Variants in CAD observed in about 807,000 individuals in gnomAD.
The protein encoded by CAD is carbamoyl-phosphate synthetase 2, aspartate transcarbamylase, and dihydroorotase.
A neutral mutation model predicts 237.2 loss-of-function variants in CAD; 81 were observed. The ratio of observed to expected loss-of-function variants is 0.34; its 90% CI spans 0.29 to 0.41. The LOEUF (loss-of-function observed/expected upper bound fraction) is 0.41. Ranked by LOEUF, CAD falls within the 10% of genes least tolerant of loss-of-function variation. The probability of loss-of-function intolerance (pLI) is 1.00; values close to 1 mark genes in which losing one functional copy is unlikely to be tolerated. For missense variants in CAD, 2,181 were observed against 2,951.7 expected (o/e 0.74, Z 6.05); for synonymous variants, 1,196 against 1,162.8 (o/e 1.03, Z -0.58).
In CAD at chr2:27,235,239, C is replaced by T; in HGVS notation, c.3787-6C>T. 6.2e-7 allele frequency: 1 copy of T among 1,601,626 alleles called. No individual in the cohort carries two copies. Among genetic ancestry groups the T allele is most frequent in the Non-Finnish European group, 8.5e-7 (1 of 1,173,414 alleles). On this transcript the variant is annotated splice_region_variant and splice_polypyrimidine_tract_variant and intron_variant, in intron 23 of 43. Transcript: ENST00000264705. This position sits in a 1 kb window ranked among gnomAD's most constrained non-coding sequence, Gnocchi z 5.2. ...TGGCCCTCTCTCTTCCCTCCCGCCC[C>T]TTTAGGTGCCTCAGTTCTCCTTCTC...
chr2:27,234,745 C>A (rs41288819), intron 23 of CAD, 60 bp downstream of exon 23: 8 of 1,501,352 alleles, frequency 5.3e-6, no homozygotes, highest in Non-Finnish European at 7.3e-6. Flanking sequence ...GTTCACTCAC[C>A]ACACAGAGTT....
chr2:27,227,409 G>T (rs534524154), intron 15 of CAD: 1 of 162,748 alleles, frequency 6.1e-6, no homozygotes, highest in Non-Finnish European at 1.3e-5. Flanking sequence ...GCCGAAGACC[G>T]TCCTCTAACA....
In CAD at chr2:27,239,601, G is replaced by A; in HGVS notation, c.5395-96G>A. ...CCCTGGACCAGGGGTTGGGGGCACAGCTCCCCCAAGGTGCTTTTTGTCCTT... is the reference window on the plus strand; with the variant it reads ...CCCTGGACCAGGGGTTGGGGGCACAACTCCCCCAAGGTGCTTTTTGTCCTT... On this transcript the variant is annotated intron_variant, in intron 33 of 43. Transcript: ENST00000264705. The surrounding 1 kb of genome is among the most constrained non-coding windows in gnomAD (Gnocchi z 4.0). The A allele has an allele frequency of 6.7e-7, 1 of 1,489,110 alleles. No individual in the cohort carries two copies. The highest frequency in any genetic ancestry group is 1.2e-5 in the South Asian group (1 of 81,108). The allele number at this position is 1,489,110 out of a possible 1,614,324, so 92.2% of individuals were successfully genotyped here.
In CAD at chr2:27,240,410, A is replaced by C. The variant is rs1418507078; in HGVS notation, c.5593+49A>C. 5.1e-6 allele frequency: 8 copies of C among 1,564,624 alleles called. No individual in the cohort carries two copies. The highest frequency in any genetic ancestry group is 1.4e-5 in the African/African-American group (1 of 73,836). ...CAGAGACTGTGTAGGGACAGGATCC[A>C]CTTCTTCCCAGTGCCTCGCCTTTCT... On this transcript the variant is annotated intron_variant, in intron 35 of 43. Transcript: ENST00000264705. This position sits in a 1 kb window ranked among gnomAD's most constrained non-coding sequence, Gnocchi z 4.6.
In CAD at chr2:27,225,780, G is replaced by A; in HGVS notation, c.1696G>A (p.Gly566Ser). ...AAFALGGLGSGFASNREELSA... is the reference protein window; with the variant it reads ...AAFALGGLGSSFASNREELSA... ...CTTTGCCCTGGGTGGCCTGGGCTCTGGCTTTGCCTCTAACAGGGAGGAGCT... is the reference window on the plus strand; with the variant it reads ...CTTTGCCCTGGGTGGCCTGGGCTCTAGCTTTGCCTCTAACAGGGAGGAGCT... Residue 566 changes from glycine to serine, a missense_variant, in exon 12 of 44, where the codon GGC becomes AGC. Gly to Ser is a moderately conservative substitution (Grantham distance 56). Around this residue, in one of 12 missense-constraint regions of CAD, gnomAD observed 174 missense variants for 215.8 expected, o/e 0.81. Transcript: ENST00000264705. 6.2e-7 allele frequency: 1 copy of A among 1,614,234 alleles called. No individual in the cohort carries two copies. The highest frequency in any genetic ancestry group is 8.5e-7 in the Non-Finnish European group (1 of 1,180,028).
Position 27,240,462 on chromosome 2 carries a change from C to A in CAD, c.5593+101C>A. ...TACTTACATGTCCTCCTCTCCATCC[C>A]TTTATCCTCGTCTGATCTGCCGTGC... On this transcript the variant is annotated intron_variant, in intron 35 of 43. Coordinates refer to ENST00000264705, the MANE Select transcript of CAD (RefSeq NM_004341.5). The surrounding 1 kb of genome is among the most constrained non-coding windows in gnomAD (Gnocchi z 4.6). 6.7e-7 allele frequency: 1 copy of A among 1,487,600 alleles called. No individual in the cohort carries two copies. The allele number at this position is 1,487,600 out of a possible 1,614,324, so 92.2% of individuals were successfully genotyped here. A position where few individuals can be genotyped will look rare whatever the true frequency, so the allele number is the denominator to read the frequency against.
chr2:27,237,701 C>G lies in CAD; in HGVS notation c.4564-17C>G. ...GCATGGGTGCCAGTGAGCCTTACCTCTGTGTATCCTCTCCAGCTGGCAGAG... is the reference window on the plus strand; with the variant it reads ...GCATGGGTGCCAGTGAGCCTTACCTGTGTGTATCCTCTCCAGCTGGCAGAG... On this transcript the variant is annotated splice_polypyrimidine_tract_variant and intron_variant, in intron 28 of 43. Coordinates refer to ENST00000264705, the MANE Select transcript of CAD (RefSeq NM_004341.5). The surrounding 1 kb of genome is among the most constrained non-coding windows in gnomAD (Gnocchi z 4.0). The G allele has an allele frequency of 1.2e-6, 2 of 1,608,346 alleles. No homozygotes were observed. The highest frequency in any genetic ancestry group is 1.7e-6 in the Non-Finnish European group (2 of 1,177,030).
intron 1 of CAD, 54 bp from the exon 2 acceptor site, chr2:27,217,823 G>A (rs1674944261): frequency 1.3e-6 from 2 of 1,538,726 alleles, no homozygotes; most frequent in African/African-American, 1.4e-5. Context: ...TCATCGCGCG[G>A]GGAGTGTTCC....
Position 27,236,922 on chromosome 2 carries a change from CT to C in CAD, c.4396+95del. The C allele has an allele frequency of 2.9e-6, 3 of 1,034,420 alleles. No homozygotes were observed. Among genetic ancestry groups the C allele is most frequent in the Non-Finnish European group, 1.5e-6 (1 of 652,996 alleles). The allele number at this position is 1,034,420 out of a possible 1,614,324, so 64.1% of individuals were successfully genotyped here. ...GTGAAGGATGGCTGGGGGGCCCACT[CT>C]TTGTCCTGGACTGCACAGACTGTGA... On this transcript the variant is annotated intron_variant, in intron 27 of 43. Transcript: ENST00000264705. This position sits in a 1 kb window ranked among gnomAD's most constrained non-coding sequence, Gnocchi z 4.1.
Position 27,233,295 on chromosome 2 carries a change from C to T in CAD, c.2992-17C>T. 1 of 1,606,538 alleles carries T rather than the reference C, an allele frequency of 6.2e-7. No individual in the cohort carries two copies. The highest frequency in any genetic ancestry group is 8.5e-7 in the Non-Finnish European group (1 of 1,173,252). ...CCTCTTTTGCTGCCACCACTTGTTT[C>T]TCCCCCTGCAACGTAGGTGGTGATG... On this transcript the variant is annotated splice_polypyrimidine_tract_variant and intron_variant, in intron 19 of 43. Coordinates refer to ENST00000264705, the MANE Select transcript of CAD (RefSeq NM_004341.5). The surrounding 1 kb of genome is among the most constrained non-coding windows in gnomAD (Gnocchi z 6.3).
rs758850591 is a variant in CAD, at chr2:27,233,257, C to G, written c.2992-55C>G. On this transcript the variant is annotated intron_variant, in intron 19 of 43. Coordinates refer to ENST00000264705, the MANE Select transcript of CAD (RefSeq NM_004341.5). The surrounding 1 kb of genome is among the most constrained non-coding windows in gnomAD (Gnocchi z 6.3). ...CTGAGGGAAGCAGTGAGCAGGAAGGCTCAGATTCCTGCCCTCTTTTGCTGC... is the reference window on the plus strand; with the variant it reads ...CTGAGGGAAGCAGTGAGCAGGAAGGGTCAGATTCCTGCCCTCTTTTGCTGC... The G allele has an allele frequency of 2.6e-6, 4 of 1,542,048 alleles. No individual in the cohort carries two copies. In the East Asian group the frequency reaches 6.7e-5, roughly 26 times the overall value.
chr2:27,231,006 G>GTTTGT (rs903114371), intron 15 of CAD, among the ~76,000 whole-genome samples: 4 of 152,152 alleles, frequency 2.6e-5, no homozygotes, highest in Non-Finnish European at 5.9e-5. Context: ...TTGTTTGTTT[G>GTTTGT]TTTGTTTTGT....
chr2:27,217,731 G>A (rs548368235), intron 1 of CAD, 98 bp downstream of exon 1: 4 of 1,429,044 alleles, frequency 2.8e-6, no homozygotes, highest in Non-Finnish European at 3.8e-6. Flanking sequence ...TCCCGCCAGC[G>A]TACCCCCTTC....
chr2:27,229,952 AG>A (rs1280752521), intron 15 of CAD, among the ~76,000 whole-genome samples: 4 of 151,396 alleles, frequency 2.6e-5, no homozygotes, highest in Non-Finnish European at 4.4e-5. Flanking sequence ...GAATTAAGTT[AG>A]TTGGTTGGGC....
intron 15 of CAD, among the ~76,000 whole-genome samples, chr2:27,230,341 G>A (rs1675680412): frequency 6.6e-6 from 1 of 151,088 alleles, no homozygotes; most frequent in African/African-American, 2.4e-5. Flanking sequence ...GTGATGATAT[G>A]TAAAACATAC....
rs748569391 is a variant in CAD at position 27,223,957 on chromosome 2, A to G, written c.1036A>G (p.Met346Val). Residue 346 changes from methionine to valine, a missense_variant, in exon 8 of 44, where the codon ATG becomes GTG. Transcript: ENST00000264705. ...HPEHQAGPSDMELLFDIFLET... is the reference protein window; with the variant it reads ...HPEHQAGPSDVELLFDIFLET... The stretch of plus-strand genomic sequence containing the variant: ...AGAGCACCAAGCTGGCCCTTCAGAT[A>G]TGGAACTGCTTTTCGATATCTTTCT... 2 of 1,614,116 alleles carry G rather than the reference A, an allele frequency of 1.2e-6. No individual in the cohort carries two copies. The highest frequency in any genetic ancestry group is 1.7e-5 in the Admixed American group (1 of 60,016).
Position 27,233,176 on chromosome 2 carries a change from G to T in CAD, c.2991+36G>T. The T allele has an allele frequency of 6.5e-7, 1 of 1,537,732 alleles. No homozygotes were observed. The highest frequency in any genetic ancestry group is 1.1e-5 in the South Asian group (1 of 89,362). ...TGGAGGCTTCCTGGTAGCTTGAGTG[G>T]CCAGGGTCGAGTAGAACAGCTGGCT... is the stretch of plus-strand genomic sequence containing the variant. On this transcript the variant is annotated intron_variant, in intron 19 of 43. Coordinates refer to ENST00000264705, the MANE Select transcript of CAD (RefSeq NM_004341.5). The surrounding 1 kb of genome is among the most constrained non-coding windows in gnomAD (Gnocchi z 6.3).
At chr2:27,231,843 G>T in intron 16 of CAD, 137 bp from the exon 17 acceptor site, 1 of 964,644 alleles carries the variant, frequency 1.0e-6, no homozygotes, top group Non-Finnish European at 1.6e-6. Context: ...ACCCAGGATT[G>T]GTATCCAGGT....
Position 27,240,471 on chromosome 2 carries a change from C to A in CAD, c.5593+110C>A. The A allele has an allele frequency of 6.7e-7, 1 of 1,481,506 alleles. No individual in the cohort carries two copies. Among genetic ancestry groups the A allele is most frequent in the Non-Finnish European group, 9.4e-7 (1 of 1,067,894 alleles). The allele number at this position is 1,481,506 out of a possible 1,614,324, so 91.8% of individuals were successfully genotyped here. On this transcript the variant is annotated intron_variant, in intron 35 of 43. Transcript: ENST00000264705. This position sits in a 1 kb window ranked among gnomAD's most constrained non-coding sequence, Gnocchi z 4.6. ...GTCCTCCTCTCCATCCCTTTATCCT[C>A]GTCTGATCTGCCGTGCCATCCTTTG...
Sources: gnomAD v4.1 joint callset for allele counts (sites outside exome capture counted in the v4.1 genomes callset) on GRCh38, gnomAD v4.1.1 for gene constraint, gnomAD v4.1.1 regional missense constraint, Gnocchi (gnomAD v3.1) non-coding constraint, MANE v1.5 for transcripts, NCBI Gene and HGNC (gene_info 2026-07-23, HGNC 2026-07-21) for gene names.